BICC1: variants seen among roughly 807,000 people sequenced by gnomAD.
The protein encoded by BICC1 is protein bicaudal C homolog 1.
In BICC1, 43 loss-of-function variants were observed where a neutral mutation model predicts 111.0. The observed-to-expected ratio is 0.39, with a 90% CI of 0.30 to 0.50. BICC1 has a LOEUF of 0.50. Among genes scored for constraint, BICC1 ranks in the 20% least tolerant of loss-of-function variants. The pLI is 0.88. For missense variants in BICC1, 1,091 were observed against 1,203.2 expected (o/e 0.91, Z 1.38); for synonymous variants, 467 against 434.4 (o/e 1.07, Z -0.93).
In BICC1 at chr10:58,693,869, G is replaced by A. The variant is rs556028471; in HGVS notation, c.238-8205G>A. On this transcript the variant is annotated intron_variant, in intron 2 of 20. Transcript: ENST00000373886. ...GTGCAGAAGCTCTTTAGTTTAATTAGATCCCATTTGTCAATTTTGGCTTTT... is the reference window on the plus strand; with the variant it reads ...GTGCAGAAGCTCTTTAGTTTAATTAAATCCCATTTGTCAATTTTGGCTTTT... 1.8e-4 allele frequency among the ~76,000 whole-genome samples: 27 copies of A among 152,196 alleles called. No homozygotes were observed. The South Asian group carries it at 5.4e-3, about 30-fold the overall frequency.
chr10:58,813,316 T>C (rs1843972409), intron 17 of BICC1, among the ~76,000 whole-genome samples: 1 of 152,188 alleles, frequency 6.6e-6, no homozygotes, highest in Non-Finnish European at 1.5e-5. Flanking sequence ...TGTAATTTGT[T>C]AGAGAGATTG....
intron 4 of BICC1, among the ~76,000 whole-genome samples, chr10:58,786,676 A>G (rs1390078271): frequency 6.6e-6 from 1 of 152,212 alleles, no homozygotes; most frequent in East Asian, 1.9e-4. Flanking sequence ...TTCCAAAAAA[A>G]TTATCTTGGT....
chr10:58,665,309 C>T (rs1312567804), intron 2 of BICC1, among the ~76,000 whole-genome samples: 1 of 152,068 alleles, frequency 6.6e-6, no homozygotes, highest in Non-Finnish European at 1.5e-5. Flanking sequence ...GATAACTTCT[C>T]TTGTGTTTTT....
At chr10:58,633,958 C>T (rs1047669866) in intron 2 of BICC1, among the ~76,000 whole-genome samples, 9 of 146,224 alleles carry the variant, frequency 6.2e-5, no homozygotes, top group South Asian at 2.2e-4. Context: ...CTTTTAGGGG[C>T]GGAATTTCTT....
At chr10:58,679,787 A>G (rs1200611176) in intron 2 of BICC1, among the ~76,000 whole-genome samples, 1 of 152,204 alleles carries the variant, frequency 6.6e-6, no homozygotes, top group East Asian at 1.9e-4. Context: ...AAAATCCTCA[A>G]TAAAATACTG....
intron 2 of BICC1, among the ~76,000 whole-genome samples, chr10:58,680,201 A>G (rs1589011522): frequency 6.6e-6 from 1 of 152,216 alleles, no homozygotes; most frequent in Non-Finnish European, 1.5e-5. Context: ...GAAAGAAATA[A>G]CAGGCATTCA....
chr10:58,717,287 CTT>C (rs1195835235), intron 3 of BICC1, among the ~76,000 whole-genome samples: 8 of 151,462 alleles, frequency 5.3e-5, no homozygotes, highest in Non-Finnish European at 1.2e-4. Flanking sequence ...CTCTTGCTGT[CTT>C]AAGTTCATTA....
At chr10:58,521,537 T>C in intron 1 of BICC1, among the ~76,000 whole-genome samples, 1 of 152,124 alleles carries the variant, frequency 6.6e-6, no homozygotes, top group East Asian at 1.9e-4. Context: ...CTGGGAAGTT[T>C]TGCAGGTTAG....
In BICC1 at chr10:58,830,665, A is replaced by T. The variant is rs1045369141; in HGVS notation, c.*1774A>T. The T allele has an allele frequency of 6.6e-6, 1 of 152,202 alleles. No homozygotes were observed. Among genetic ancestry groups the T allele is most frequent in the East Asian group, 1.9e-4 (1 of 5,192 alleles). 9.4% of individuals were successfully genotyped at this position (152,202 alleles called of 1,614,324 possible). On this transcript the variant is annotated 3_prime_UTR_variant, in exon 21 of 21. Transcript: ENST00000373886. ...TGAAGGCATAGATAATGGGCCTGTC[A>T]TAAAATTATCAATTATAACTGGCAC...
At chr10:58,612,392 A>G (rs1382336003) in intron 1 of BICC1, among the ~76,000 whole-genome samples, 4 of 152,212 alleles carry the variant, frequency 2.6e-5, no homozygotes, top group Non-Finnish European at 5.9e-5. Context: ...CAGTTAACAT[A>G]CAGTTTTCTG....
Position 58,645,292 on chromosome 10 carries a change from C to A in BICC1, c.237+24391C>A, listed in dbSNP as rs947589646. ...GGTGTGGTGGTGGGCGCCTGTAGTC[C>A]CAGCTACTCGGGAGGCTGAGGCAGG... On this transcript the variant is annotated intron_variant, in intron 2 of 20. Coordinates refer to ENST00000373886, the MANE Select transcript of BICC1 (RefSeq NM_001080512.3). 2.6e-5 allele frequency among the ~76,000 whole-genome samples: 4 copies of A among 150,958 alleles called. No homozygotes were observed. In the South Asian group the frequency reaches 8.4e-4, roughly 32 times the overall value.
At chr10:58,622,124 G>A (rs921208188) in intron 2 of BICC1, among the ~76,000 whole-genome samples, 1 of 151,798 alleles carries the variant, frequency 6.6e-6, no homozygotes, top group Admixed American at 6.6e-5. Flanking sequence ...TGAGACTGCA[G>A]TGAGCCATGA....
At chr10:58,616,248 C>A (rs377364058) in intron 1 of BICC1, among the ~76,000 whole-genome samples, 1 of 152,206 alleles carries the variant, frequency 6.6e-6, no homozygotes, top group African/African-American at 2.4e-5. Flanking sequence ...GGGGAAGATG[C>A]CCTGCCTGCA....
In BICC1 at chr10:58,789,676, T is replaced by A. The variant is rs752619753; in HGVS notation, c.796-6T>A. On this transcript the variant is annotated splice_region_variant and splice_polypyrimidine_tract_variant and intron_variant, in intron 7 of 20. Coordinates refer to ENST00000373886, the MANE Select transcript of BICC1 (RefSeq NM_001080512.3). ...GGATTATTTCTTTCCCACCCTTTTCTCTTAGGAAGGAACTGCCATGCTGTT... is the reference window on the plus strand; with the variant it reads ...GGATTATTTCTTTCCCACCCTTTTCACTTAGGAAGGAACTGCCATGCTGTT... 6.2e-7 allele frequency: 1 copy of A among 1,614,030 alleles called. No individual in the cohort carries two copies. Among genetic ancestry groups the A allele is most frequent in the Admixed American group, 1.7e-5 (1 of 60,022 alleles).
intron 2 of BICC1, among the ~76,000 whole-genome samples, chr10:58,658,596 T>G (rs7078029): frequency 0.97 from 148,406 of 152,280 alleles, 72,428 homozygotes; most frequent in East Asian, 1. Context: ...GAGCGCTCTT[T>G]TATTCCCTGT....
At chr10:58,531,009 G>T (rs1394764246) in intron 1 of BICC1, among the ~76,000 whole-genome samples, 3 of 151,820 alleles carry the variant, frequency 2.0e-5, no homozygotes, top group Non-Finnish European at 2.9e-5. Context: ...AAGAAAAGCT[G>T]TTTCATTTCA....
chr10:58,734,938 A>G (rs953588079), intron 3 of BICC1, among the ~76,000 whole-genome samples: 2 of 152,162 alleles, frequency 1.3e-5, no homozygotes, highest in Non-Finnish European at 2.9e-5. Flanking sequence ...CTGTCCATCA[A>G]GCAGATCTTA....
chr10:58,605,068 G>A (rs1191000093), intron 1 of BICC1, among the ~76,000 whole-genome samples: 1 of 152,186 alleles, frequency 6.6e-6, no homozygotes. Context: ...TTGGGGGTTA[G>A]CATTTCAGCA....
At chr10:58,775,280 A>G (rs34685662) in intron 3 of BICC1, among the ~76,000 whole-genome samples, 1,725 of 152,216 alleles carry the variant, frequency 0.011, 24 homozygotes, top group African/African-American at 0.036. Context: ...AGGCTGAGGC[A>G]GGAGATTCAC....
Sources: gnomAD v4.1 joint callset for allele counts (sites outside exome capture counted in the v4.1 genomes callset) on GRCh38, gnomAD v4.1.1 for gene constraint, MANE v1.5 for transcripts, NCBI Gene and HGNC (gene_info 2026-07-23, HGNC 2026-07-21) for gene names.